NINJ1: variants seen among roughly 807,000 people sequenced by gnomAD.
The protein encoded by NINJ1 is ninjurin-1.
NINJ1 carries 6 observed loss-of-function variants against 12.7 expected under a neutral mutation model. The observed-to-expected ratio is 0.47, with a 90% CI of 0.26 to 0.93. NINJ1 has a LOEUF of 0.93. Among genes scored for constraint, NINJ1 ranks in the 40% least tolerant of loss-of-function variants. NINJ1 has a pLI of 0.15. For missense variants in NINJ1, 170 were observed against 213.0 expected (o/e 0.80, Z 1.26); for synonymous variants, 100 against 96.0 (o/e 1.04, Z -0.25).
chr9:93,127,096 G>A (rs1263661312), intron 1 of NINJ1, among the ~76,000 whole-genome samples: 1 of 152,120 alleles, frequency 6.6e-6, no homozygotes, highest in African/African-American at 2.4e-5. Flanking sequence ...AGTCCTCCTG[G>A]GCCGGACCTA....
Position 93,134,135 on chromosome 9 carries a change from G to GGTCTTACC in NINJ1, c.75_75+7dup. 6.5e-7 allele frequency: 1 copy of GGTCTTACC among 1,549,956 alleles called. No individual in the cohort carries two copies. The highest frequency in any genetic ancestry group is 1.2e-5 in the South Asian group (1 of 83,408). On this transcript the variant is annotated splice_region_variant and intron_variant, in intron 1 of 3. Coordinates refer to ENST00000375446, the MANE Select transcript of NINJ1 (RefSeq NM_004148.4). Reference sequence around the variant, plus strand: ...CAAGATCATGCAGCGGTGGGGGGAAGGTCTTACCGAGGCGTCCGGGGAGCC... The same window carrying GGTCTTACC: ...CAAGATCATGCAGCGGTGGGGGGAAGGTCTTACCGTCTTACCGAGGCGTCCGGGGAGCC...
At chr9:93,125,168 C>T (rs1827794062) in intron 2 of NINJ1, 106 bp from the exon 3 acceptor site, 4 of 1,082,368 alleles carry the variant, frequency 3.7e-6, no homozygotes, top group Admixed American at 2.8e-5. Flanking sequence ...TGTCCTGGGA[C>T]ATTACAGGGC....
At chr9:93,124,473 C>A (rs1827779957) in intron 3 of NINJ1, among the ~76,000 whole-genome samples, 1 of 152,174 alleles carries the variant, frequency 6.6e-6, no homozygotes, top group South Asian at 2.1e-4. Flanking sequence ...CGGGGTTTCA[C>A]CCTGTTGGCG....
In NINJ1 at chr9:93,125,041, G is replaced by A. The variant is rs150605482; in HGVS notation, c.326C>T (p.Pro109Leu). 9.3e-6 allele frequency: 15 copies of A among 1,613,178 alleles called. No homozygotes were observed. Among genetic ancestry groups the A allele is most frequent in the Admixed American group, 3.3e-5 (2 of 59,872 alleles). The change falls in exon 3 of 4, where the codon CCG (proline) becomes CTG (leucine). Residue 109 changes from proline to leucine, a missense_variant. Coordinates refer to ENST00000375446, the MANE Select transcript of NINJ1 (RefSeq NM_004148.4). ...GAAGTCCAGCTTGGCGTGCTTGGCC[G>A]GGTTGTTAAGGTCGTACTTGACTGT... is the stretch of plus-strand genomic sequence containing the variant. ...IFLVKYDLNN[P>L]AKHAKLDFLN...
At chr9:93,126,776 G>A (rs899712629) in intron 1 of NINJ1, 138 bp from the exon 2 acceptor site, 14 of 646,126 alleles carry the variant, frequency 2.2e-5, no homozygotes, top group East Asian at 1.6e-4. Context: ...TCAGACAGAA[G>A]TGCTTATTAC....
At chr9:93,125,142 AC>A in intron 2 of NINJ1, 80 bp from the exon 3 acceptor site, 1 of 1,419,236 alleles carries the variant, frequency 7.0e-7, no homozygotes, top group East Asian at 2.4e-5. Flanking sequence ...AAGGGGACCC[AC>A]CCCAGCGGTC....
intron 3 of NINJ1, among the ~76,000 whole-genome samples, chr9:93,122,439 G>T (rs1587662154): frequency 7.3e-6 from 1 of 136,352 alleles, no homozygotes; most frequent in Non-Finnish European, 1.6e-5. Flanking sequence ...GAGAGGCTCT[G>T]AGCCTGGAAG....
At chr9:93,132,250 C>T (rs962453392) in intron 1 of NINJ1, among the ~76,000 whole-genome samples, 15 of 152,202 alleles carry the variant, frequency 9.9e-5, no homozygotes, top group African/African-American at 1.4e-4. Flanking sequence ...GTGAGCAGAG[C>T]GGCCCTCGAA....
chr9:93,128,647 A>T (rs1827847023), intron 1 of NINJ1, among the ~76,000 whole-genome samples: 1 of 152,144 alleles, frequency 6.6e-6, no homozygotes, highest in African/African-American at 2.4e-5. Context: ...AGTTTCACAA[A>T]CCTCAAGTGC....
chr9:93,126,646 G>A lies in NINJ1; in HGVS notation c.76-8C>T, dbSNP rs766725739. 6.3e-7 allele frequency: 1 copy of A among 1,588,492 alleles called. No individual in the cohort carries two copies. Among genetic ancestry groups the A allele is most frequent in the African/African-American group, 1.3e-5 (1 of 74,454 alleles). On this transcript the variant is annotated splice_region_variant and splice_polypyrimidine_tract_variant and intron_variant, in intron 1 of 3. Transcript: ENST00000375446. ...CCAGCCCCAGCGGGCCGGCTGCAGG[G>A]AGGGGAATGGTCAGCAAGGCGGGTG...
At chr9:93,132,580 C>T (rs1370453359) in intron 1 of NINJ1, among the ~76,000 whole-genome samples, 1 of 152,264 alleles carries the variant, frequency 6.6e-6, no homozygotes, top group African/African-American at 2.4e-5. Flanking sequence ...CATGCCCCGC[C>T]CCCCACGATG....
At chr9:93,126,306 C>A (rs1312822658) in intron 2 of NINJ1, 104 bp downstream of exon 2, 1 of 993,172 alleles carries the variant, frequency 1.0e-6, no homozygotes, top group Non-Finnish European at 1.5e-6. Flanking sequence ...TCGGCAGCTC[C>A]TTGAGAGCCA....
intron 1 of NINJ1, among the ~76,000 whole-genome samples, chr9:93,132,727 T>C (rs1827913901): frequency 1.3e-5 from 2 of 152,142 alleles, no homozygotes; most frequent in Admixed American, 1.3e-4. Flanking sequence ...AAGACAGTGA[T>C]CCGGGAACAA....
In NINJ1 at chr9:93,125,016, G is replaced by A. The variant is rs150362117; in HGVS notation, c.351C>T (p.Phe117=). The part of the protein sequence containing the change: ...NNPAKHAKLD[F]LNNLATGLVF... ...CCAGGCCCGTGGCCAGGTTGTTGAGGAAGTCCAGCTTGGCGTGCTTGGCCG... is the reference window on the plus strand; with the variant it reads ...CCAGGCCCGTGGCCAGGTTGTTGAGAAAGTCCAGCTTGGCGTGCTTGGCCG... The change falls in exon 3 of 4, where the codon TTC becomes TTT. Residue 117 remains phenylalanine (F), a synonymous_variant. Transcript: ENST00000375446. The A allele has an allele frequency of 4.4e-4, 709 of 1,614,020 alleles. 8 individuals carry two copies. The African/African-American group carries it at 7.9e-3, about 18-fold the overall frequency.
rs1270279901 is a variant in NINJ1 at position 93,126,993 on chromosome 9, TC to T, written c.76-356del. On this transcript the variant is annotated intron_variant, in intron 1 of 3. Transcript: ENST00000375446. ...ACCGGTCTGTGCCCCCGGCCTCCTC[TC>T]CCCCTCCCCTCAGAGTCTGAGCTCC... Among the ~76,000 whole-genome samples the T allele has an allele frequency of 3.0e-4, 45 of 150,586 alleles. 1 individual carries two copies. Among genetic ancestry groups the T allele is most frequent in the Non-Finnish European group, 8.9e-5 (6 of 67,592 alleles).
chr9:93,129,693 CAG>C (rs1827863226), intron 1 of NINJ1, among the ~76,000 whole-genome samples: 1 of 152,182 alleles, frequency 6.6e-6, no homozygotes, highest in South Asian at 2.1e-4. Flanking sequence ...GATTGCAGCT[CAG>C]AGGAGGTTTT....
intron 1 of NINJ1, among the ~76,000 whole-genome samples, chr9:93,132,597 C>T (rs750535067): frequency 2.0e-5 from 3 of 152,212 alleles, no homozygotes; most frequent in Non-Finnish European, 2.9e-5. Context: ...GATGGGCTCC[C>T]AGCCCCCAGG....
intron 1 of NINJ1, among the ~76,000 whole-genome samples, chr9:93,129,419 G>A (rs981273901): frequency 6.6e-6 from 1 of 152,148 alleles, no homozygotes; most frequent in Non-Finnish European, 1.5e-5. Context: ...GCCCCGAGTG[G>A]CCAGCAAATG....
Position 93,125,013 on chromosome 9 carries a change from G to A in NINJ1, c.354C>T (p.Leu118=), listed in dbSNP as rs750081392. 6.2e-7 allele frequency: 1 copy of A among 1,614,032 alleles called. No individual in the cohort carries two copies. Among genetic ancestry groups the A allele is most frequent in the South Asian group, 1.1e-5 (1 of 91,064 alleles). The change falls in exon 3 of 4, where the codon CTC becomes CTT. Residue 118 remains leucine, a synonymous_variant. Coordinates refer to ENST00000375446, the MANE Select transcript of NINJ1 (RefSeq NM_004148.4). ...NPAKHAKLDF[L]NNLATGLVFI... ...ACACCAGGCCCGTGGCCAGGTTGTT[G>A]AGGAAGTCCAGCTTGGCGTGCTTGG... is the stretch of plus-strand genomic sequence containing the variant.
Sources: gnomAD v4.1 joint callset for allele counts (sites outside exome capture counted in the v4.1 genomes callset) on GRCh38, gnomAD v4.1.1 for gene constraint, MANE v1.5 for transcripts, NCBI Gene and HGNC (gene_info 2026-07-23, HGNC 2026-07-21) for gene names.